Variants in ZDHHC22 observed in about 807,000 individuals in gnomAD.
ZDHHC22 encodes palmitoyltransferase ZDHHC22.
In ZDHHC22, 13 loss-of-function variants were observed where a neutral mutation model predicts 17.0. The ratio of observed to expected loss-of-function variants is 0.76; its 90% confidence interval spans 0.50 to 1.21. ZDHHC22 has a LOEUF of 1.21. Ranked by LOEUF, ZDHHC22 falls within the 50% of genes most tolerant of loss-of-function variation. ZDHHC22 has a pLI of 0.00. For synonymous variants in ZDHHC22, 138 were observed against 154.7 expected (o/e 0.89, Z 0.80); for missense variants, 319 against 342.3 (o/e 0.93, Z 0.54).
chr14:77,133,542 A>G lies in ZDHHC22; in HGVS notation c.*141T>C. The G allele has an allele frequency of 1.7e-6, 2 of 1,175,674 alleles. No homozygotes were observed. Among genetic ancestry groups the G allele is most frequent in the Non-Finnish European group, 2.3e-6 (2 of 858,642 alleles). The allele number at this position is 1,175,674 out of a possible 1,614,324, so 72.8% of individuals were successfully genotyped here. A position where few individuals can be genotyped will look rare whatever the true frequency, so the allele number is the denominator to read the frequency against. ...TGATCCACCAGCTCACGCTGTTCTC[A>G]TGGGTGGAAGGTGAGGGGAAGATGC... On this transcript the variant is annotated 3_prime_UTR_variant, in exon 3 of 3. Transcript: ENST00000319374.
chr14:77,142,144 G>A (rs1887268644), upstream of ZDHHC22: 1 of 152,372 alleles, frequency 6.6e-6, no homozygotes, highest in South Asian at 2.1e-4. Context: ...TCCTCGGAAG[G>A]GCTGTGTACA....
rs1388833785 is a variant in ZDHHC22, at chr14:77,133,793, G to C, written c.682C>G (p.Arg228Gly). 2 of 1,613,856 alleles carry C rather than the reference G, an allele frequency of 1.2e-6. No individual in the cohort carries two copies. The highest frequency in any genetic ancestry group is 1.7e-6 in the Non-Finnish European group (2 of 1,179,894). ...QVRKGVAVRA[R>G]PWRKNLQEVF... is the part of the protein sequence containing the mutation. ...TCTTGTAAGTTCTTGCGCCAGGGCC[G>C]GGCCCTCACTGCCACCCCCTTCCGC... The change falls in exon 3 of 3, where the codon CGG (arginine) becomes GGG (glycine). Residue 228 changes from arginine to glycine, a missense_variant. Physicochemically the swap from Arg to Gly is moderately radical, Grantham distance 125. Coordinates refer to ENST00000319374, the MANE Select transcript of ZDHHC22 (RefSeq NM_174976.2).
intron 2 of ZDHHC22, among the ~76,000 whole-genome samples, chr14:77,137,738 G>A (rs79927190): frequency 0.01 from 1,524 of 152,306 alleles, 28 homozygotes; most frequent in African/African-American, 0.035. Context: ...TGCCTGGGAA[G>A]AACTGGGCTG....
chr14:77,135,069 A>G (rs535390400), intron 2 of ZDHHC22, among the ~76,000 whole-genome samples: 4 of 152,162 alleles, frequency 2.6e-5, no homozygotes, highest in Admixed American at 6.5e-5. Flanking sequence ...CAACTTTGGC[A>G]GCTGTGGCAA....
intron 2 of ZDHHC22, among the ~76,000 whole-genome samples, chr14:77,138,569 A>C (rs1316041125): frequency 6.6e-6 from 1 of 151,120 alleles, no homozygotes; most frequent in Non-Finnish European, 1.5e-5. Context: ...CTTAAAAAAA[A>C]AAAACAAAAA....
chr14:77,134,668 TC>T (rs1441086449), intron 2 of ZDHHC22, among the ~76,000 whole-genome samples: 1 of 152,112 alleles, frequency 6.6e-6, no homozygotes. Context: ...GGGCAGGATC[TC>T]CCCAGAATCC....
Position 77,133,396 on chromosome 14 carries a change from G to T in ZDHHC22, c.*287C>A. 2 of 403,856 alleles carry T rather than the reference G, an allele frequency of 5.0e-6. No individual in the cohort carries two copies. The highest frequency in any genetic ancestry group is 8.9e-6 in the Non-Finnish European group (2 of 225,344). 25.0% of individuals were successfully genotyped at this position (403,856 alleles called of 1,614,324 possible). On this transcript the variant is annotated 3_prime_UTR_variant, in exon 3 of 3. Coordinates refer to ENST00000319374, the MANE Select transcript of ZDHHC22 (RefSeq NM_174976.2). ...TGGAGAATGGATGAGCCAGGAAGAGGGGGAAAGCAGGGATCCCAAGGGGAC... is the reference window on the plus strand; with the variant it reads ...TGGAGAATGGATGAGCCAGGAAGAGTGGGAAAGCAGGGATCCCAAGGGGAC...
At chr14:77,134,342 G>C (rs1467672730) in intron 2 of ZDHHC22, among the ~76,000 whole-genome samples, 1 of 152,160 alleles carries the variant, frequency 6.6e-6, no homozygotes. Context: ...TTTTGCTCAG[G>C]AGGAGAGAGG....
At position 77,140,369 on chromosome 14, in the gene ZDHHC22, T is replaced by A. The variant is rs1887229524; in HGVS notation, c.-14-617A>T. Among the ~76,000 whole-genome samples, 1 of 152,200 alleles carries A rather than the reference T, an allele frequency of 6.6e-6. No individual in the cohort carries two copies. The highest frequency in any genetic ancestry group is 1.9e-4 in the East Asian group (1 of 5,196). On this transcript the variant is annotated intron_variant, in intron 1 of 2. Coordinates refer to ENST00000319374, the MANE Select transcript of ZDHHC22 (RefSeq NM_174976.2). The surrounding 1 kb of genome is among the most constrained non-coding windows in gnomAD (Gnocchi z 5.9). ...ATGTGTGTGTGTGTGTCCTTGTCTGTGACTCTGTACGTGTAATCTGTGTGC... is the reference window on the plus strand; with the variant it reads ...ATGTGTGTGTGTGTGTCCTTGTCTGAGACTCTGTACGTGTAATCTGTGTGC...
rs376941851 is a variant in ZDHHC22, at chr14:77,139,489, C to T, written c.250G>A (p.Ala84Thr). The T allele has an allele frequency of 6.2e-7, 1 of 1,612,730 alleles. No individual in the cohort carries two copies. Among genetic ancestry groups the T allele is most frequent in the South Asian group, 1.1e-5 (1 of 90,632 alleles). The change falls in exon 2 of 3, where the codon GCC becomes ACC. Residue 84 changes from alanine to threonine, a missense_variant. Physicochemically the swap from Ala to Thr is moderately conservative, Grantham distance 58. Transcript: ENST00000319374. ...DDLGACQGASARKTPCPSPST... is the reference protein window; with the variant it reads ...DDLGACQGASTRKTPCPSPST... ...GGTGAGGGGCATGGAGTCTTCCTGG[C>T]CGAGGCCCCCTGGCAGGCCCCCAGG...
rs370400202 is a variant in ZDHHC22 at position 77,134,093 on chromosome 14, T to C, written c.527-145A>G. ...TTTGTAGCAACCTCAGCGCTGCAGC[T>C]GCAGTGAGGGAGAGGAAGGAAGAAC... On this transcript the variant is annotated intron_variant, in intron 2 of 2. Coordinates refer to ENST00000319374, the MANE Select transcript of ZDHHC22 (RefSeq NM_174976.2). 65 of 1,100,254 alleles carry C rather than the reference T, an allele frequency of 5.9e-5. No homozygotes were observed. The African/African-American group carries it at 8.7e-4, about 15-fold the overall frequency. 68.2% of individuals were successfully genotyped at this position (1,100,254 alleles called of 1,614,324 possible).
Position 77,139,390 on chromosome 14 carries a change from A to G in ZDHHC22, c.349T>C (p.Cys117Arg). The G allele has an allele frequency of 6.2e-7, 1 of 1,607,742 alleles. No individual in the cohort carries two copies. Among genetic ancestry groups the G allele is most frequent in the Non-Finnish European group, 8.5e-7 (1 of 1,177,356 alleles). The change falls in exon 2 of 3, where the codon TGC becomes CGC. Residue 117 changes from cysteine (C) to arginine (R), a missense_variant. Transcript: ENST00000319374. ...TTGCGCATGTTCCTGCTGCCGATGC[A>G]GTTGCCGGTGAAGAAACAGTGATGG... is the stretch of plus-strand genomic sequence containing the variant. ...HDHHCFFTGN[C>R]IGSRNMRNFV...
rs534245078 is a variant in ZDHHC22 at position 77,133,734 on chromosome 14, C to T, written c.741G>A (p.Leu247=). The change falls in exon 3 of 3, where the codon CTG becomes CTA. Residue 247 remains leucine, a synonymous_variant. Transcript: ENST00000319374. ...CACTTCCGACATTGAACATGGGGAC[C>T]AGCAGGCCCAGCAGCCACCTCTTTC... is the stretch of plus-strand genomic sequence containing the variant. ...VFGKRWLLGL[L]VPMFNVGSES... The T allele has an allele frequency of 6.2e-7, 1 of 1,614,000 alleles. No individual in the cohort carries two copies. The highest frequency in any genetic ancestry group is 8.5e-7 in the Non-Finnish European group (1 of 1,179,902).
intron 1 of ZDHHC22, 133 bp from the exon 2 acceptor site, chr14:77,139,885 C>T: frequency 1.0e-6 from 1 of 977,726 alleles, no homozygotes; most frequent in African/African-American, 1.6e-5. Context: ...CCGCGGATTT[C>T]CCCTCCCCAG....
Position 77,133,958 on chromosome 14 carries a change from A to C in ZDHHC22, c.527-10T>G. The C allele has an allele frequency of 6.4e-7, 1 of 1,554,274 alleles. No individual in the cohort carries two copies. Among genetic ancestry groups the C allele is most frequent in the Non-Finnish European group, 8.7e-7 (1 of 1,150,208 alleles). On this transcript the variant is annotated splice_polypyrimidine_tract_variant and intron_variant, in intron 2 of 2. Transcript: ENST00000319374. Reference sequence around the variant, plus strand: ...GAACCCAGGACAGCTCCTGCAGGGCACGGGGAGGGGAAACACCAGAGCCGC... The same window carrying C: ...GAACCCAGGACAGCTCCTGCAGGGCCCGGGGAGGGGAAACACCAGAGCCGC...
rs1887233766 is a variant in ZDHHC22, at chr14:77,140,561, G to A, written c.-14-809C>T. On this transcript the variant is annotated intron_variant, in intron 1 of 2. Transcript: ENST00000319374. The surrounding 1 kb of genome is among the most constrained non-coding windows in gnomAD (Gnocchi z 5.9). Reference sequence around the variant, plus strand: ...AGAATACCTGTGTCAGCGGGTCCTGGCCAGCACATCTCTCCAACGCTGGCT... The same window carrying A: ...AGAATACCTGTGTCAGCGGGTCCTGACCAGCACATCTCTCCAACGCTGGCT... The A allele has an allele frequency of 6.6e-6, 1 of 152,214 alleles. No homozygotes were observed. Among genetic ancestry groups the A allele is most frequent in the Non-Finnish European group, 1.5e-5 (1 of 68,038 alleles). The allele number at this position is 152,214 out of a possible 1,614,324, so 9.4% of individuals were successfully genotyped here.
Position 77,140,543 on chromosome 14 carries a change from C to T in ZDHHC22, c.-14-791G>A, listed in dbSNP as rs1316622448. 2 of 152,242 alleles carry T rather than the reference C, an allele frequency of 1.3e-5. No individual in the cohort carries two copies. The highest frequency in any genetic ancestry group is 2.9e-5 in the Non-Finnish European group (2 of 68,060). 9.4% of individuals were successfully genotyped at this position (152,242 alleles called of 1,614,324 possible). On this transcript the variant is annotated intron_variant, in intron 1 of 2. Transcript: ENST00000319374. This position sits in a 1 kb window ranked among gnomAD's most constrained non-coding sequence, Gnocchi z 5.9. ...TGAGGTGGGGGCGCAACCAGAATAC[C>T]TGTGTCAGCGGGTCCTGGCCAGCAC... is the stretch of plus-strand genomic sequence containing the variant.
In ZDHHC22 at chr14:77,139,255, A is replaced by C; in HGVS notation, c.484T>G (p.Phe162Val). 1 of 1,593,934 alleles carries C rather than the reference A, an allele frequency of 6.3e-7. No individual in the cohort carries two copies. Among genetic ancestry groups the C allele is most frequent in the Non-Finnish European group, 8.5e-7 (1 of 1,170,362 alleles). ...LSISFAHPLA[F>V]LTLLPTSISQ... Reference sequence around the variant, plus strand: ...ATGGAGGTGGGCAGGAGCGTGAGGAAGGCCAAGGGGTGGGCGAAGGAGATG... The same window carrying C: ...ATGGAGGTGGGCAGGAGCGTGAGGACGGCCAAGGGGTGGGCGAAGGAGATG... The change falls in exon 2 of 3, where the codon TTC becomes GTC. Residue 162 changes from phenylalanine (F) to valine (V), a missense_variant. Physicochemically the swap from Phe to Val is conservative, Grantham distance 50 (BLOSUM62 -1). Transcript: ENST00000319374.
intron 2 of ZDHHC22, among the ~76,000 whole-genome samples, chr14:77,138,944 G>A (rs1887188550): frequency 6.6e-6 from 1 of 152,156 alleles, no homozygotes; most frequent in Non-Finnish European, 1.5e-5. Context: ...GGGGCAAGGG[G>A]GGATGTTACC....
Sources: gnomAD v4.1 joint callset for allele counts (sites outside exome capture counted in the v4.1 genomes callset) on GRCh38, gnomAD v4.1.1 for gene constraint, Gnocchi (gnomAD v3.1) non-coding constraint, MANE v1.5 for transcripts, NCBI Gene and HGNC (gene_info 2026-07-23, HGNC 2026-07-21) for gene names.